Variants in CCDC91 observed in about 807,000 individuals in gnomAD.
The protein encoded by CCDC91 is coiled-coil domain-containing protein 91.
A neutral mutation model predicts 63.2 loss-of-function variants in CCDC91; 48 were observed. The ratio of observed to expected loss-of-function variants is 0.76; its 90% CI spans 0.60 to 0.97. The LOEUF is 0.97. CCDC91 is among the 50% of genes least tolerant of loss of function. The pLI is 0.00. For missense variants in CCDC91, 500 were observed against 494.6 expected (o/e 1.01, Z -0.10); for synonymous variants, 167 against 165.8 (o/e 1.01, Z -0.06).
At chr12:28,264,343 G>A (rs1462882376) in intron 3 of CCDC91, among the ~76,000 whole-genome samples, 1 of 150,792 alleles carries the variant, frequency 6.6e-6, no homozygotes, top group African/African-American at 2.4e-5. Context: ...GCTACTCATA[G>A]CACTGTATTT....
intron 1 of CCDC91, among the ~76,000 whole-genome samples, chr12:28,211,085 A>G (rs922308840): frequency 1.3e-5 from 2 of 148,960 alleles, no homozygotes; most frequent in Non-Finnish European, 3.0e-5. Flanking sequence ...CAATACAGAA[A>G]GACTAAGCAC....
intron 8 of CCDC91, among the ~76,000 whole-genome samples, chr12:28,413,715 G>A (rs1001244479): frequency 6.6e-6 from 1 of 152,162 alleles, no homozygotes; most frequent in African/African-American, 2.4e-5. Flanking sequence ...CATTGCTTCT[G>A]TTGGGTGATT....
intron 8 of CCDC91, among the ~76,000 whole-genome samples, chr12:28,425,861 GTT>G (rs972709724): frequency 7.2e-5 from 11 of 152,130 alleles, no homozygotes; most frequent in Admixed American, 4.6e-4. Flanking sequence ...CCATCAGTCT[GTT>G]TCAGCAATCC....
At chr12:28,198,918 A>T in intron 1 of CCDC91, 1 of 143,954 alleles carries the variant, frequency 6.9e-6, no homozygotes, top group Non-Finnish European at 1.5e-5. Context: ...AATTTCCTTG[A>T]TGTTTCTCTT....
intron 11 of CCDC91, among the ~76,000 whole-genome samples, chr12:28,482,289 T>C (rs554313857): frequency 2.1e-5 from 2 of 97,216 alleles, no homozygotes; most frequent in Admixed American, 1.9e-4. Context: ...TTTATTCTTA[T>C]GTTTTTCTTT....
intron 6 of CCDC91, among the ~76,000 whole-genome samples, chr12:28,314,059 A>G (rs1441093901): frequency 1.3e-5 from 2 of 152,012 alleles, no homozygotes; most frequent in Admixed American, 6.6e-5. Flanking sequence ...ATTGGTATCT[A>G]TGGCTAACTT....
intron 12 of CCDC91, among the ~76,000 whole-genome samples, chr12:28,520,893 A>T (rs1356366041): frequency 6.6e-6 from 1 of 151,922 alleles, no homozygotes; most frequent in East Asian, 1.9e-4. Context: ...GATGTGTGGT[A>T]TTATTTCTGA....
At chr12:28,396,961 A>T (rs1469952325) in intron 8 of CCDC91, among the ~76,000 whole-genome samples, 1 of 152,126 alleles carries the variant, frequency 6.6e-6, no homozygotes, top group Non-Finnish European at 1.5e-5. Flanking sequence ...TTTGAAAGTC[A>T]TGTAAGTATA....
intron 6 of CCDC91, among the ~76,000 whole-genome samples, chr12:28,340,599 T>TC (rs1942340799): frequency 6.6e-6 from 1 of 152,164 alleles, no homozygotes; most frequent in Admixed American, 6.5e-5. Flanking sequence ...GGGAAAGGTT[T>TC]CCCTATCCCC....
chr12:28,410,254 G>A (rs747415066), intron 8 of CCDC91, among the ~76,000 whole-genome samples: 32 of 151,898 alleles, frequency 2.1e-4, no homozygotes, highest in Non-Finnish European at 3.8e-4. Flanking sequence ...TTATATATTT[G>A]TCCCTTTATT....
rs192709042 is a variant in CCDC91, at chr12:28,519,587, T to C, written c.1216-29476T>C. On this transcript the variant is annotated intron_variant, in intron 12 of 12. Coordinates refer to ENST00000536442, the MANE Select transcript of CCDC91 (RefSeq NM_018318.5). ...TTTTTTTTTCTTTTTTTTATTATTA[T>C]ACTTCAAGTTCTAGGGTACACGTGC... Among the ~76,000 whole-genome samples the C allele has an allele frequency of 2.4e-3, 371 of 151,978 alleles. 7 individuals carry two copies. Among genetic ancestry groups the C allele is most frequent in the African/African-American group, 8.4e-3 (347 of 41,480 alleles).
At chr12:28,342,446 G>A (rs912539502) in intron 6 of CCDC91, among the ~76,000 whole-genome samples, 5 of 152,196 alleles carry the variant, frequency 3.3e-5, no homozygotes, top group African/African-American at 9.7e-5. Context: ...GGGGATGAAA[G>A]TCTGTTGGAG....
intron 3 of CCDC91, among the ~76,000 whole-genome samples, chr12:28,291,189 A>G (rs1949225663): frequency 6.6e-6 from 1 of 152,250 alleles, no homozygotes; most frequent in African/African-American, 2.4e-5. Context: ...TTCAGGATTC[A>G]GTAACCTCTT....
intron 6 of CCDC91, among the ~76,000 whole-genome samples, chr12:28,334,042 G>A (rs1381011858): frequency 6.8e-6 from 1 of 146,912 alleles, no homozygotes; most frequent in African/African-American, 2.6e-5. Context: ...CAGAATTTAT[G>A]TGTGTGTGTG....
Position 28,450,343 on chromosome 12 carries a change from T to C in CCDC91, c.856-7T>C. 1 of 1,610,668 alleles carries C rather than the reference T, an allele frequency of 6.2e-7. No individual in the cohort carries two copies. Among genetic ancestry groups the C allele is most frequent in the African/African-American group, 1.3e-5 (1 of 74,958 alleles). ...AATGTCTTTCCAACTGTTTTATCAT[T>C]TGACAGGAAATATTGGAAAAGTGTT... On this transcript the variant is annotated splice_region_variant and splice_polypyrimidine_tract_variant and intron_variant, in intron 9 of 12. Transcript: ENST00000536442.
chr12:28,233,796 G>A (rs1213580528), intron 1 of CCDC91, among the ~76,000 whole-genome samples: 1 of 151,882 alleles, frequency 6.6e-6, no homozygotes, highest in Non-Finnish European at 1.5e-5. Context: ...TGTTAGATAA[G>A]GTTATATAGA....
chr12:28,339,209 GA>G lies in CCDC91; in HGVS notation c.577-23226del, dbSNP rs573087787. Among the ~76,000 whole-genome samples the G allele has an allele frequency of 7.0e-4, 107 of 152,344 alleles. 1 individual carries two copies. Among genetic ancestry groups the G allele is most frequent in the African/African-American group, 2.5e-3 (103 of 41,580 alleles). ...TGTCAGACTAACGTGAAGCATGAAG[GA>G]AAGGGAGTAGTTTAGATCTTTGGTC... On this transcript the variant is annotated intron_variant, in intron 6 of 12. Transcript: ENST00000536442.
At position 28,535,844 on chromosome 12, in the gene CCDC91, C is replaced by T. The variant is rs562705011; in HGVS notation, c.1216-13219C>T. On this transcript the variant is annotated intron_variant, in intron 12 of 12. Coordinates refer to ENST00000536442, the MANE Select transcript of CCDC91 (RefSeq NM_018318.5). ...GAGATCAAGACCATCCTGGCTAACA[C>T]GGTGAAACCCCGTCTCTACTAAAAA... 7.2e-5 allele frequency among the ~76,000 whole-genome samples: 11 copies of T among 151,906 alleles called. No homozygotes were observed. The South Asian group carries it at 8.3e-4, about 12-fold the overall frequency.
chr12:28,359,870 TTACATGAGACAGTAATA>T (rs1943765449), intron 6 of CCDC91, among the ~76,000 whole-genome samples: 1 of 152,218 alleles, frequency 6.6e-6, no homozygotes, highest in Non-Finnish European at 1.5e-5. Flanking sequence ...ACCTAGGTCC[TTACATGAGACAGTAATA>T]TACTATTTGT....
Sources: allele counts gnomAD v4.1 joint callset (sites outside exome capture counted in the v4.1 genomes callset), GRCh38; gene constraint gnomAD v4.1.1; transcripts MANE v1.5; gene names NCBI Gene and HGNC (gene_info 2026-07-23, HGNC 2026-07-21).